Variants in SLC35D4 observed in about 807,000 individuals in gnomAD.
SLC35D4 encodes the protein solute carrier family 35 member D4.
At chr18:23,421,959 G>A in the SLC35D4 span, among the ~76,000 whole-genome samples, 2 of 151,866 alleles carry the variant, frequency 1.3e-5, no homozygotes, top group Admixed American at 6.6e-5. Context: ...TTATAGGCTT[G>A]AGCCACCATG....
chr18:23,263,367 A>C, the SLC35D4 span, among the ~76,000 whole-genome samples: 1 of 152,238 alleles, frequency 6.6e-6, no homozygotes, highest in Non-Finnish European at 1.5e-5. Flanking sequence ...GCAGAGGAGA[A>C]GGGATCTGGA....
At chr18:23,243,580 C>T in the SLC35D4 span, among the ~76,000 whole-genome samples, 1 of 147,456 alleles carries the variant, frequency 6.8e-6, no homozygotes, top group Admixed American at 6.9e-5. Flanking sequence ...ATTTTTTTCT[C>T]ATAAAACTAA....
chr18:23,355,594 T>TC, the SLC35D4 span, among the ~76,000 whole-genome samples: 20 of 147,210 alleles, frequency 1.4e-4, no homozygotes, highest in Non-Finnish European at 1.4e-4. Flanking sequence ...CTGTAATTCT[T>TC]TTTTTTTTTT....
At chr18:23,398,508 C>A in the SLC35D4 span, among the ~76,000 whole-genome samples, 1 of 152,172 alleles carries the variant, frequency 6.6e-6, no homozygotes, top group African/African-American at 2.4e-5. Flanking sequence ...CAGGGCAAGC[C>A]TCGTGGTCTG....
chr18:23,301,504 T>C, the SLC35D4 span, among the ~76,000 whole-genome samples: 19 of 152,350 alleles, frequency 1.2e-4, 1 homozygote, highest in East Asian at 3.1e-3. Flanking sequence ...GATCATTTTC[T>C]AAAGACCCTC....
At chr18:23,252,332 G>A in the SLC35D4 span, among the ~76,000 whole-genome samples, 1 of 152,168 alleles carries the variant, frequency 6.6e-6, no homozygotes, top group Non-Finnish European at 1.5e-5. Flanking sequence ...TAATGCCACT[G>A]AATGGTACGC....
chr18:23,308,490 C>T, the SLC35D4 span, among the ~76,000 whole-genome samples: 2 of 152,272 alleles, frequency 1.3e-5, no homozygotes, highest in African/African-American at 4.8e-5. Context: ...TTGCTCGGAA[C>T]CCAAACCTAG....
At chr18:23,238,592 C>A in the SLC35D4 span, among the ~76,000 whole-genome samples, 1 of 152,232 alleles carries the variant, frequency 6.6e-6, no homozygotes, top group East Asian at 1.9e-4. Flanking sequence ...CAGAGGCAAG[C>A]ACGTAATAAG....
the SLC35D4 span, among the ~76,000 whole-genome samples, chr18:23,413,850 G>A: frequency 2.6e-5 from 4 of 151,924 alleles, no homozygotes; most frequent in South Asian, 6.2e-4. Context: ...AGACTGAGGC[G>A]GGAGAAGTGC....
At chr18:23,418,779 G>A in the SLC35D4 span, among the ~76,000 whole-genome samples, 1 of 151,864 alleles carries the variant, frequency 6.6e-6, no homozygotes, top group African/African-American at 2.4e-5. Flanking sequence ...AGGCCGAAGC[G>A]GGTGGATCAC....
chr18:23,399,726 A>G, the SLC35D4 span: 7 of 1,340,048 alleles, frequency 5.2e-6, no homozygotes, highest in Non-Finnish European at 5.3e-6. Context: ...CTGACCCTCC[A>G]GATGCATCAA....
At chr18:23,392,620 C>T in the SLC35D4 span, among the ~76,000 whole-genome samples, 1 of 152,150 alleles carries the variant, frequency 6.6e-6, no homozygotes, top group Non-Finnish European at 1.5e-5. Flanking sequence ...TCCAATTTGG[C>T]AAAATACTAA....
the SLC35D4 span, among the ~76,000 whole-genome samples, chr18:23,412,250 T>C: frequency 4.1e-4 from 62 of 152,092 alleles, no homozygotes; most frequent in African/African-American, 1.5e-3. Context: ...ACCCAGGAGG[T>C]GGAGGTTGCA....
chr18:23,243,834 T>C, the SLC35D4 span, among the ~76,000 whole-genome samples: 1 of 148,882 alleles, frequency 6.7e-6, no homozygotes. Flanking sequence ...ATCACGCCAC[T>C]GTACCCCGGC....
chr18:23,330,240 C>T, the SLC35D4 span, among the ~76,000 whole-genome samples: 4 of 152,072 alleles, frequency 2.6e-5, no homozygotes, highest in Non-Finnish European at 5.9e-5. Context: ...AGAACAATCC[C>T]ATTTCTGTAA....
the SLC35D4 span, among the ~76,000 whole-genome samples, chr18:23,423,395 G>T: frequency 6.6e-6 from 1 of 152,206 alleles, no homozygotes; most frequent in Non-Finnish European, 1.5e-5. Context: ...CCCCTCCAGG[G>T]GGCATTTGGC....
At chr18:23,405,430 T>C in the SLC35D4 span, among the ~76,000 whole-genome samples, 1 of 152,192 alleles carries the variant, frequency 6.6e-6, no homozygotes, top group Non-Finnish European at 1.5e-5. Context: ...CTTCAAGTGA[T>C]CCACCTGCCT....
At chr18:23,239,501 C>T in the SLC35D4 span, among the ~76,000 whole-genome samples, 1 of 152,198 alleles carries the variant, frequency 6.6e-6, no homozygotes, top group African/African-American at 2.4e-5. Flanking sequence ...TCCCTGGAGA[C>T]TTCTTTCCTA....
the SLC35D4 span, among the ~76,000 whole-genome samples, chr18:23,277,265 G>A: frequency 2.6e-5 from 4 of 152,208 alleles, no homozygotes; most frequent in East Asian, 7.7e-4. Flanking sequence ...TACTGTTCTT[G>A]TGGTAGTGAA....
Sources: gnomAD v4.1 joint callset for allele counts (sites outside exome capture counted in the v4.1 genomes callset) on GRCh38, gnomAD v4.1.1 for gene constraint, MANE v1.5 for transcripts, NCBI Gene and HGNC (gene_info 2026-07-23, HGNC 2026-07-21) for gene names.